RBFOX3: variants seen among roughly 807,000 people sequenced by gnomAD.
The protein encoded by RBFOX3 is RNA binding protein fox-1 homolog 3.
A neutral mutation model predicts 48.7 loss-of-function variants in RBFOX3; 17 were observed. The observed-to-expected ratio is 0.35, with a 90% confidence interval of 0.24 to 0.52. The LOEUF is 0.52. RBFOX3 is among the 20% of genes least tolerant of loss of function. The pLI, the probability that RBFOX3 is intolerant of heterozygous loss-of-function variation, is 0.94. For synonymous variants in RBFOX3, 212 were observed against 209.5 expected, an observed-to-expected ratio of 1.01 and a Z score of -0.10; for missense variants, 382 against 497.5, an observed-to-expected ratio of 0.77 and a Z score of 2.21.
intron 1 of RBFOX3, chr17:79,508,785 A>T (rs2083591129): frequency 6.5e-6 from 1 of 152,714 alleles, no homozygotes; most frequent in African/African-American, 2.4e-5. Flanking sequence ...TGCTGCCAGC[A>T]CAGCCATGTG....
chr17:79,280,756 CA>C (rs1357233765), intron 3 of RBFOX3, among the ~76,000 whole-genome samples: 5 of 148,576 alleles, frequency 3.4e-5, no homozygotes, highest in African/African-American at 1.2e-4. Context: ...CCGAAGCATC[CA>C]GATTTGCCTC....
chr17:79,241,280 C>G (rs563671803), intron 3 of RBFOX3, among the ~76,000 whole-genome samples: 1 of 151,716 alleles, frequency 6.6e-6, no homozygotes, highest in Non-Finnish European at 1.5e-5. Context: ...TTCCAATGTG[C>G]TGGGGCTACA....
At chr17:79,395,216 G>C (rs370328904) in intron 2 of RBFOX3, among the ~76,000 whole-genome samples, 1 of 152,218 alleles carries the variant, frequency 6.6e-6, no homozygotes, top group Admixed American at 6.5e-5. Flanking sequence ...AGCTGACACC[G>C]GACCCAGCAA....
At chr17:79,228,791 C>A (rs1388597426) in intron 4 of RBFOX3, among the ~76,000 whole-genome samples, 1 of 152,184 alleles carries the variant, frequency 6.6e-6, no homozygotes, top group African/African-American at 2.4e-5. Context: ...AGTAGCCTAA[C>A]TGATGCGCTA....
At chr17:79,637,763 G>A in the RBFOX3 span, among the ~76,000 whole-genome samples, 1 of 54,814 alleles carries the variant, frequency 1.8e-5, no homozygotes, top group Non-Finnish European at 4.7e-5. Flanking sequence ...GAGAGGAGGG[G>A]AGGGGAAGGG....
intron 4 of RBFOX3, among the ~76,000 whole-genome samples, chr17:79,206,812 GA>G (rs2057563586): frequency 6.6e-6 from 1 of 152,150 alleles, no homozygotes; most frequent in Non-Finnish European, 1.5e-5. Flanking sequence ...GGGCAGCTCA[GA>G]AAGTGCCTTC....
chr17:79,268,397 C>T (rs2067096112), intron 3 of RBFOX3, among the ~76,000 whole-genome samples: 1 of 152,154 alleles, frequency 6.6e-6, no homozygotes, highest in Admixed American at 6.5e-5. Context: ...GTCTGAGTAC[C>T]ACACTCCTGA....
chr17:79,435,020 A>C (rs188552605), intron 2 of RBFOX3, among the ~76,000 whole-genome samples: 1 of 152,192 alleles, frequency 6.6e-6, no homozygotes, highest in African/African-American at 2.4e-5. Flanking sequence ...CATCACGAAA[A>C]ATACAAGTTT....
intron 4 of RBFOX3, among the ~76,000 whole-genome samples, chr17:79,129,308 C>T (rs76367725): frequency 2.6e-4 from 39 of 152,332 alleles, no homozygotes; most frequent in African/African-American, 8.4e-4. Flanking sequence ...CCCAAGCACA[C>T]ACATCCAGGA....
chr17:79,101,311 C>T (rs900475592), intron 9 of RBFOX3, among the ~76,000 whole-genome samples: 3 of 152,224 alleles, frequency 2.0e-5, no homozygotes, highest in Admixed American at 6.5e-5. Flanking sequence ...CACGTGTGGC[C>T]TCTGGGGGCC....
chr17:79,292,584 GCACACACACACACA>G (rs937932598), intron 3 of RBFOX3, among the ~76,000 whole-genome samples: 5 of 63,638 alleles, frequency 7.9e-5, no homozygotes, highest in Non-Finnish European at 1.6e-4. Context: ...ACACACACAT[GCACACACACACACA>G]CGCACACACA....
At chr17:79,261,661 G>A (rs982774998) in intron 3 of RBFOX3, among the ~76,000 whole-genome samples, 1 of 152,222 alleles carries the variant, frequency 6.6e-6, no homozygotes, top group African/African-American at 2.4e-5. Context: ...CTGGAGCAGG[G>A]GCCACCGTCT....
the RBFOX3 span, among the ~76,000 whole-genome samples, chr17:79,661,388 T>C: frequency 9.9e-5 from 15 of 152,242 alleles, no homozygotes; most frequent in Non-Finnish European, 1.8e-4. Context: ...TCTACATTAT[T>C]TGGTGAGGTT....
intron 4 of RBFOX3, among the ~76,000 whole-genome samples, chr17:79,139,079 T>G (rs528594186): frequency 1.2e-4 from 17 of 143,648 alleles, no homozygotes; most frequent in African/African-American, 4.3e-4. Context: ...CACACACACA[T>G]GCACACAAGC....
At chr17:79,136,715 C>T (rs1478154066) in intron 4 of RBFOX3, among the ~76,000 whole-genome samples, 1 of 152,140 alleles carries the variant, frequency 6.6e-6, no homozygotes, top group Non-Finnish European at 1.5e-5. Flanking sequence ...CAGCCAGGGT[C>T]CCCGACCTGA....
chr17:79,125,948 T>A (rs987581209), intron 4 of RBFOX3, among the ~76,000 whole-genome samples: 5 of 152,108 alleles, frequency 3.3e-5, no homozygotes, highest in African/African-American at 1.2e-4. Flanking sequence ...AAGAGGTGAG[T>A]CCACCCACCT....
In RBFOX3 at chr17:79,262,723, G is replaced by T. The variant is rs375970018; in HGVS notation, c.-73-26918C>A. ...CTGCCCCGTGTGCCCCACAAGGCTG[G>T]AGTCCATCCTTACTTGGGGCATGAG... On this transcript the variant is annotated intron_variant, in intron 3 of 14. Coordinates refer to ENST00000693108, the MANE Select transcript of RBFOX3 (RefSeq NM_001350451.2). Among the ~76,000 whole-genome samples the T allele has an allele frequency of 3.3e-5, 5 of 152,346 alleles. No individual in the cohort carries two copies. In the South Asian group the frequency reaches 1.0e-3, roughly 32 times the overall value.
At chr17:79,589,401 G>A (rs1346494076) in intron 1 of RBFOX3, among the ~76,000 whole-genome samples, 1 of 152,104 alleles carries the variant, frequency 6.6e-6, no homozygotes, top group Non-Finnish European at 1.5e-5. Context: ...ACCGTCCCCT[G>A]TTTGTGCCTC....
the RBFOX3 span, among the ~76,000 whole-genome samples, chr17:79,620,374 TAC>T: frequency 6.7e-4 from 66 of 98,522 alleles, no homozygotes; most frequent in African/African-American, 1.7e-3. Context: ...CACACGGACA[TAC>T]ACACACATGC....
Sources: allele counts gnomAD v4.1 joint callset (sites outside exome capture counted in the v4.1 genomes callset), GRCh38; gene constraint gnomAD v4.1.1; transcripts MANE v1.5; gene names NCBI Gene and HGNC (gene_info 2026-07-23, HGNC 2026-07-21).